ADGRD1: variants seen among roughly 807,000 people sequenced by gnomAD.
ADGRD1 encodes G-protein coupled receptor 133.
In ADGRD1, 77 loss-of-function variants were observed where a neutral mutation model predicts 113.4. The ratio of observed to expected loss-of-function variants is 0.68; its 90% CI spans 0.57 to 0.82. ADGRD1 has a LOEUF of 0.82. Ranked by LOEUF, ADGRD1 falls within the 40% of genes least tolerant of loss-of-function variation. The pLI is 0.00. For synonymous variants in ADGRD1, 474 were observed against 475.0 expected, an observed-to-expected ratio of 1.00 and a Z score of 0.03; for missense variants, 1,036 against 1,139.1, an observed-to-expected ratio of 0.91 and a Z score of 1.30.
intron 6 of ADGRD1, chr12:130,989,740 G>A (rs1278634903): frequency 1.3e-5 from 2 of 152,296 alleles, no homozygotes; most frequent in Non-Finnish European, 2.9e-5. Flanking sequence ...CTAATCTCAT[G>A]AGCCAGAGCT....
chr12:130,987,004 G>A (rs1346022000), intron 5 of ADGRD1, 91 bp from the exon 6 acceptor site: 4 of 1,118,976 alleles, frequency 3.6e-6, no homozygotes, highest in African/African-American at 1.5e-5. Flanking sequence ...ATCACCTTAA[G>A]AAAGAAGGAT....
chr12:131,127,956 G>T (rs113610788), intron 20 of ADGRD1, among the ~76,000 whole-genome samples: 10 of 45,270 alleles, frequency 2.2e-4, no homozygotes, highest in African/African-American at 3.4e-4. Flanking sequence ...GTGTTGGTTG[G>T]GTTGGTTGTG....
intron 13 of ADGRD1, among the ~76,000 whole-genome samples, chr12:131,032,415 G>T (rs1880880034): frequency 6.6e-6 from 1 of 152,220 alleles, no homozygotes; most frequent in Non-Finnish European, 1.5e-5. Flanking sequence ...ACTCACTTTG[G>T]TACCCTGGAA....
intron 4 of ADGRD1, chr12:130,977,289 G>C (rs983337087): frequency 6.6e-6 from 1 of 152,276 alleles, no homozygotes; most frequent in Non-Finnish European, 1.5e-5. Context: ...CAGGGAAAGG[G>C]GAAAGGGAAG....
Position 130,981,943 on chromosome 12 carries a change from G to A in ADGRD1, c.370G>A (p.Ala124Thr), listed in dbSNP as rs775712337. The change falls in exon 5 of 25, where the codon GCG (alanine) becomes ACG (threonine). Residue 124 changes from alanine to threonine, a missense_variant. Ala to Thr is a moderately conservative substitution (Grantham distance 58). Coordinates refer to ENST00000261654, the MANE Select transcript of ADGRD1 (RefSeq NM_198827.5). ...AGAACAGTCTAGACCAATCCCTTCTGCGTATGGGGGACAGGTCATCTCCAA... is the reference window on the plus strand; with the variant it reads ...AGAACAGTCTAGACCAATCCCTTCTACGTATGGGGGACAGGTCATCTCCAA... Reference protein sequence around the residue: ...QGEQSRPIPSAYGGQVISNGF... With the variant: ...QGEQSRPIPSTYGGQVISNGF... 2.2e-5 allele frequency: 36 copies of A among 1,613,556 alleles called. No individual in the cohort carries two copies. The Admixed American group carries it at 6.0e-4, about 27-fold the overall frequency.
At chr12:131,076,223 C>T (rs991299300) in intron 13 of ADGRD1, among the ~76,000 whole-genome samples, 8 of 152,068 alleles carry the variant, frequency 5.3e-5, no homozygotes, top group Non-Finnish European at 1.5e-5. Context: ...GGGATGCAGC[C>T]GTGAATGAGA....
chr12:131,031,969 G>A (rs1262982451), intron 13 of ADGRD1, among the ~76,000 whole-genome samples: 2 of 152,204 alleles, frequency 1.3e-5, no homozygotes, highest in East Asian at 3.8e-4. Flanking sequence ...GAGGCCTTCA[G>A]ATGAACCAGC....
chr12:131,104,747 T>C, intron 15 of ADGRD1, 84 bp from the exon 16 acceptor site: 1 of 858,144 alleles, frequency 1.2e-6, no homozygotes, highest in South Asian at 1.6e-5. Context: ...GGACCAGCTG[T>C]GCACCCACCT....
At chr12:131,104,803 G>C (rs1345389594) in intron 15 of ADGRD1, 28 bp from the exon 16 acceptor site, 1 of 1,514,000 alleles carries the variant, frequency 6.6e-7, no homozygotes, top group Non-Finnish European at 8.9e-7. Flanking sequence ...TGGGCCTGCT[G>C]CTGACGCCTC....
chr12:131,105,055 G>T, intron 16 of ADGRD1, 121 bp downstream of exon 16: 1 of 673,552 alleles, frequency 1.5e-6, no homozygotes, highest in East Asian at 2.9e-5. Context: ...AGGCTTAGCT[G>T]GAAAGGTCTG....
intron 20 of ADGRD1, among the ~76,000 whole-genome samples, chr12:131,125,991 T>A (rs1347527789): frequency 1.3e-5 from 2 of 152,222 alleles, no homozygotes; most frequent in Non-Finnish European, 2.9e-5. Flanking sequence ...TGAAAAATTA[T>A]TACTCGAACC....
chr12:131,094,838 C>A (rs539801394), intron 15 of ADGRD1, among the ~76,000 whole-genome samples: 6 of 152,330 alleles, frequency 3.9e-5, no homozygotes, highest in Admixed American at 3.3e-4. Flanking sequence ...CCCCGCCTTA[C>A]AGATGAGTTT....
intron 12 of ADGRD1, among the ~76,000 whole-genome samples, chr12:131,011,950 G>A (rs1566027848): frequency 6.6e-6 from 1 of 152,184 alleles, no homozygotes; most frequent in African/African-American, 2.4e-5. Context: ...GGCGCCGCGG[G>A]GCTTTGCCTT....
intron 5 of ADGRD1, among the ~76,000 whole-genome samples, chr12:130,982,834 G>A (rs190499104): frequency 1.8e-3 from 271 of 152,272 alleles, no homozygotes; most frequent in African/African-American, 6.3e-3. Flanking sequence ...AAGGGGAACA[G>A]GTGGCTGGGG....
intron 2 of ADGRD1, among the ~76,000 whole-genome samples, chr12:130,955,782 A>AT (rs149954851): frequency 0.28 from 42,082 of 151,308 alleles, 6,285 homozygotes; most frequent in East Asian, 0.57. Flanking sequence ...TAAAAAAATT[A>AT]TTTTTGTTTT....
chr12:131,121,017 A>T, intron 20 of ADGRD1, 104 bp downstream of exon 20: 1 of 1,021,638 alleles, frequency 9.8e-7, no homozygotes, highest in Non-Finnish European at 1.5e-6. Context: ...GAGCTTCCGA[A>T]GGATGCAGCG....
intron 14 of ADGRD1, among the ~76,000 whole-genome samples, chr12:131,079,059 T>C (rs1009996666): frequency 1.3e-5 from 2 of 152,166 alleles, no homozygotes; most frequent in Non-Finnish European, 1.5e-5. Context: ...TCTGTTCCTA[T>C]ATAGTTTTGC....
At chr12:130,995,021 G>A (rs1387666582) in intron 8 of ADGRD1, among the ~76,000 whole-genome samples, 1 of 152,236 alleles carries the variant, frequency 6.6e-6, no homozygotes, top group Non-Finnish European at 1.5e-5. Flanking sequence ...CGGGCTAGAA[G>A]GGTCTGTCTC....
At chr12:131,056,093 ATCT>A (rs1185216280) in intron 13 of ADGRD1, among the ~76,000 whole-genome samples, 1 of 152,170 alleles carries the variant, frequency 6.6e-6, no homozygotes, top group Admixed American at 6.5e-5. Flanking sequence ...ATCATCTGAA[ATCT>A]TCTACCCTGA....
Sources: gnomAD v4.1 joint callset for allele counts (sites outside exome capture counted in the v4.1 genomes callset) on GRCh38, gnomAD v4.1.1 for gene constraint, MANE v1.5 for transcripts, NCBI Gene and HGNC (gene_info 2026-07-23, HGNC 2026-07-21) for gene names.